Variants in TENM4 observed in about 807,000 individuals in gnomAD.
TENM4 encodes the protein teneurin transmembrane protein 4.
A neutral mutation model predicts 243.3 loss-of-function variants in TENM4; 82 were observed. The ratio of observed to expected loss-of-function variants is 0.34; its 90% CI spans 0.28 to 0.40. TENM4 has a LOEUF of 0.40. TENM4 is among the 10% of genes least tolerant of loss of function. The probability of loss-of-function intolerance (pLI) is 1.00; values close to 1 mark genes in which losing one functional copy is unlikely to be tolerated. For synonymous variants in TENM4, 1,412 were observed against 1,456.3 expected, an observed-to-expected ratio of 0.97 and a Z score of 0.69; for missense variants, 3,138 against 3,673.3, an observed-to-expected ratio of 0.85 and a Z score of 3.77.
chr11:78,831,298 G>A (rs1192161197), intron 12 of TENM4, among the ~76,000 whole-genome samples: 1 of 152,240 alleles, frequency 6.6e-6, no homozygotes, highest in East Asian at 1.9e-4. Flanking sequence ...TGTAACACGA[G>A]CTTGGAGGAC....
rs185435517 is a variant in TENM4, at chr11:78,720,317, C to T, written c.3821+53G>A. 74 of 1,597,602 alleles carry T rather than the reference C, an allele frequency of 4.6e-5. No homozygotes were observed. The East Asian group carries it at 1.6e-3, about 34-fold the overall frequency. On this transcript the variant is annotated intron_variant, in intron 25 of 33. Coordinates refer to ENST00000278550, the MANE Select transcript of TENM4 (RefSeq NM_001098816.3). ...AAATTGACATGTGCAGCTTACCATA[C>T]AGCATGCAACAAGGCAGGGGTGAGG...
At chr11:78,914,191 G>A (rs1856262236) in intron 6 of TENM4, among the ~76,000 whole-genome samples, 3 of 152,142 alleles carry the variant, frequency 2.0e-5, no homozygotes, top group South Asian at 2.1e-4. Context: ...GCCTCAATTT[G>A]TCTATCTGAA....
At chr11:79,041,271 C>T (rs1024806527) in intron 6 of TENM4, among the ~76,000 whole-genome samples, 3 of 152,016 alleles carry the variant, frequency 2.0e-5, no homozygotes, top group Non-Finnish European at 4.4e-5. Flanking sequence ...GCTATGTTGG[C>T]CAGGCTGGTC....
At chr11:78,736,018 C>T (rs1228119693) in intron 20 of TENM4, among the ~76,000 whole-genome samples, 1 of 151,954 alleles carries the variant, frequency 6.6e-6, no homozygotes, top group Non-Finnish European at 1.5e-5. Flanking sequence ...GTGGGGCAAT[C>T]ATGGCTCACT....
At chr11:78,936,273 G>A (rs1856781425) in intron 6 of TENM4, among the ~76,000 whole-genome samples, 1 of 152,182 alleles carries the variant, frequency 6.6e-6, no homozygotes, top group Non-Finnish European at 1.5e-5. Flanking sequence ...GCTTGAGTCT[G>A]AGCCTCACTT....
chr11:79,393,621 G>C (rs11237820), intron 1 of TENM4, among the ~76,000 whole-genome samples: 2 of 152,196 alleles, frequency 1.3e-5, no homozygotes, highest in Admixed American at 6.5e-5. Context: ...AAAAAGGCAG[G>C]CTGAGGAAAC....
At chr11:79,118,186 G>A (rs1159408237) in intron 4 of TENM4, among the ~76,000 whole-genome samples, 2 of 152,120 alleles carry the variant, frequency 1.3e-5, no homozygotes, top group African/African-American at 4.8e-5. Flanking sequence ...GCAGTAAGTG[G>A]CAGTCAGACA....
intron 6 of TENM4, among the ~76,000 whole-genome samples, chr11:79,044,413 G>A (rs1252924812): frequency 6.6e-6 from 1 of 152,198 alleles, no homozygotes; most frequent in Non-Finnish European, 1.5e-5. Flanking sequence ...AGGGAATAGG[G>A]TGGGGCGCAT....
rs1555048296 is a variant in TENM4, at chr11:79,321,662, A to AAG, written c.-320-24120_-320-24119insCT. Reference sequence around the variant, plus strand: ...TACCAAAAAAAAAAAAAAAAAAAAAAAAGGGAGAGAGAACTTGGGACATGC... The same window carrying AAG: ...TACCAAAAAAAAAAAAAAAAAAAAAAAGAAGGGAGAGAGAACTTGGGACATGC... On this transcript the variant is annotated intron_variant, in intron 1 of 33. Coordinates refer to ENST00000278550, the MANE Select transcript of TENM4 (RefSeq NM_001098816.3). Among the ~76,000 whole-genome samples, 23 of 146,014 alleles carry AAG rather than the reference A, an allele frequency of 1.6e-4. 1 individual carries two copies. The highest frequency in any genetic ancestry group is 1.5e-3 in the East Asian group (7 of 4,770).
intron 22 of TENM4, among the ~76,000 whole-genome samples, chr11:78,728,314 C>T (rs1171522555): frequency 6.6e-6 from 1 of 152,190 alleles, no homozygotes; most frequent in East Asian, 1.9e-4. Flanking sequence ...CTCTGGGCCT[C>T]AGCTTCTTAA....
intron 6 of TENM4, among the ~76,000 whole-genome samples, chr11:78,915,823 C>T (rs1856302370): frequency 6.6e-6 from 1 of 152,188 alleles, no homozygotes; most frequent in South Asian, 2.1e-4. Flanking sequence ...AATTCTCATC[C>T]ATCATGTTCA....
chr11:78,659,936 C>G (rs1857989457), intron 33 of TENM4, among the ~76,000 whole-genome samples: 1 of 152,226 alleles, frequency 6.6e-6, no homozygotes, highest in African/African-American at 2.4e-5. Context: ...TTAATAGAAC[C>G]CTGTCTGTGA....
intron 19 of TENM4, among the ~76,000 whole-genome samples, chr11:78,747,893 G>A (rs1350515423): frequency 6.6e-6 from 1 of 152,198 alleles, no homozygotes; most frequent in Non-Finnish European, 1.5e-5. Flanking sequence ...TATAGTTTGA[G>A]ATATACGAAC....
chr11:79,027,119 T>G (rs1437354877), intron 6 of TENM4, among the ~76,000 whole-genome samples: 1 of 152,166 alleles, frequency 6.6e-6, no homozygotes, highest in African/African-American at 2.4e-5. Context: ...GACTTAAACT[T>G]GGAATTATCC....
chr11:78,663,152 C>A (rs1031295853), intron 32 of TENM4, among the ~76,000 whole-genome samples: 1 of 152,186 alleles, frequency 6.6e-6, no homozygotes, highest in African/African-American at 2.4e-5. Flanking sequence ...TGTGTCCCAG[C>A]AGGCTCAGCC....
intron 6 of TENM4, among the ~76,000 whole-genome samples, chr11:78,934,516 G>T (rs1358631080): frequency 6.6e-6 from 1 of 152,144 alleles, no homozygotes; most frequent in African/African-American, 2.4e-5. Context: ...GACCTGGAAG[G>T]TCCTTCCAGT....
At position 79,408,635 on chromosome 11, in the gene TENM4, A is replaced by G. The variant is rs548884480; in HGVS notation, c.-321+31874T>C. Among the ~76,000 whole-genome samples, 4 of 152,372 alleles carry G rather than the reference A, an allele frequency of 2.6e-5. No individual in the cohort carries two copies. The East Asian group carries it at 5.8e-4, about 22-fold the overall frequency. Reference sequence around the variant, plus strand: ...AATCCACTAGGAAAAATGTCTAATAACTTTTCCACTACATGCTTTATTGGA... The same window carrying G: ...AATCCACTAGGAAAAATGTCTAATAGCTTTTCCACTACATGCTTTATTGGA... On this transcript the variant is annotated intron_variant, in intron 1 of 33. Coordinates refer to ENST00000278550, the MANE Select transcript of TENM4 (RefSeq NM_001098816.3).
intron 9 of TENM4, among the ~76,000 whole-genome samples, chr11:78,878,602 T>C (rs1307754551): frequency 6.6e-6 from 1 of 152,186 alleles, no homozygotes; most frequent in Non-Finnish European, 1.5e-5. Context: ...CTTGTGACCC[T>C]GCGCCCACCT....
chr11:79,340,837 C>T (rs1178341017), intron 1 of TENM4, among the ~76,000 whole-genome samples: 1 of 152,016 alleles, frequency 6.6e-6, no homozygotes, highest in Non-Finnish European at 1.5e-5. Context: ...AATGAGCCTC[C>T]CCACCAACAA....
Sources: gnomAD v4.1 joint callset for allele counts (sites outside exome capture counted in the v4.1 genomes callset) on GRCh38, gnomAD v4.1.1 for gene constraint, MANE v1.5 for transcripts, NCBI Gene and HGNC (gene_info 2026-07-23, HGNC 2026-07-21) for gene names.